RNF34: variants seen among roughly 807,000 people sequenced by gnomAD.
RNF34 encodes E3 ubiquitin-protein ligase RNF34.
Under a neutral mutation model 37.9 loss-of-function variants are expected in RNF34, and 12 were observed. That is an observed-to-expected ratio of 0.32 (90% CI 0.20 to 0.51). The LOEUF (loss-of-function observed/expected upper bound fraction) is 0.51, where lower values mean the gene tolerates loss of function less well. Ranked by LOEUF, RNF34 falls within the 20% of genes least tolerant of loss-of-function variation. RNF34 has a pLI of 0.97. For missense variants in RNF34, 362 were observed against 472.7 expected (o/e 0.77, Z 2.17); for synonymous variants, 155 against 177.2 (o/e 0.87, Z 1.00).
chr12:121,409,169 G>A (rs775365907), intron 1 of RNF34, among the ~76,000 whole-genome samples: 3 of 152,092 alleles, frequency 2.0e-5, no homozygotes, highest in Non-Finnish European at 2.9e-5. Flanking sequence ...TAGTAGAGAC[G>A]GGGTTTTACC....
At chr12:121,416,059 T>C in intron 1 of RNF34, 100 bp from the exon 2 acceptor site, 1 of 910,002 alleles carries the variant, frequency 1.1e-6, no homozygotes, top group South Asian at 1.5e-5. Flanking sequence ...CTCAAAGTTA[T>C]TGAGGGCAAA....
At chr12:121,422,318 C>T (rs1358196109) in intron 5 of RNF34, among the ~76,000 whole-genome samples, 1 of 152,162 alleles carries the variant, frequency 6.6e-6, no homozygotes, top group African/African-American at 2.4e-5. Flanking sequence ...CAAGTCACTA[C>T]CAAGATTGTT....
At chr12:121,416,058 A>G in intron 1 of RNF34, 101 bp from the exon 2 acceptor site, 1 of 896,204 alleles carries the variant, frequency 1.1e-6, no homozygotes, top group Non-Finnish European at 1.8e-6. Flanking sequence ...TCTCAAAGTT[A>G]TTGAGGGCAA....
intron 1 of RNF34, among the ~76,000 whole-genome samples, chr12:121,415,726 T>A (rs1871501200): frequency 6.6e-6 from 1 of 152,056 alleles, no homozygotes; most frequent in Non-Finnish European, 1.5e-5. Context: ...GCCACCAGCC[T>A]AATGTTGCCA....
chr12:121,405,477 G>A (rs1214454908), intron 1 of RNF34, among the ~76,000 whole-genome samples: 4 of 152,076 alleles, frequency 2.6e-5, no homozygotes, highest in Non-Finnish European at 5.9e-5. Flanking sequence ...ATTTCCATTT[G>A]TCTTCTTGCT....
At chr12:121,411,087 C>T (rs1871012955) in intron 1 of RNF34, among the ~76,000 whole-genome samples, 1 of 152,130 alleles carries the variant, frequency 6.6e-6, no homozygotes, top group Non-Finnish European at 1.5e-5. Flanking sequence ...GCACATGCCA[C>T]CACACCTGGC....
chr12:121,419,502 C>CA (rs1305911687), intron 3 of RNF34, among the ~76,000 whole-genome samples: 7 of 152,204 alleles, frequency 4.6e-5, no homozygotes, highest in Non-Finnish European at 8.8e-5. Context: ...AGCTGACTTA[C>CA]ATACCCCTTT....
intron 3 of RNF34, chr12:121,418,673 T>C (rs1330159679): frequency 1.3e-5 from 2 of 152,102 alleles, no homozygotes; most frequent in African/African-American, 4.8e-5. Flanking sequence ...TGTACCATGA[T>C]TGCAACTGTG....
intron 1 of RNF34, among the ~76,000 whole-genome samples, chr12:121,414,759 G>A (rs992567272): frequency 2.6e-5 from 4 of 150,944 alleles, no homozygotes; most frequent in South Asian, 2.1e-4. Flanking sequence ...AACAATCTCC[G>A]CCTCCCGAAT....
Position 121,420,792 on chromosome 12 carries a change from T to C in RNF34, c.928+14T>C, listed in dbSNP as rs1555283239. ...ACCAAAAGTCCTGTAGGTTTATCTT[T>C]TCATTTTTTCCCTGTAGTATTTTTC... On this transcript the variant is annotated intron_variant, in intron 5 of 5. Transcript: ENST00000361234. 6.3e-7 allele frequency: 1 copy of C among 1,591,568 alleles called. No individual in the cohort carries two copies. The highest frequency in any genetic ancestry group is 8.6e-7 in the Non-Finnish European group (1 of 1,160,502).
intron 1 of RNF34, among the ~76,000 whole-genome samples, chr12:121,413,216 G>T (rs759496408): frequency 8.6e-5 from 13 of 151,506 alleles, no homozygotes; most frequent in Non-Finnish European, 1.9e-4. Flanking sequence ...TAGTAGAGAC[G>T]GCGTTTCGCC....
intron 1 of RNF34, among the ~76,000 whole-genome samples, chr12:121,400,500 G>A (rs1361864125): frequency 3.3e-5 from 5 of 152,220 alleles, no homozygotes; most frequent in Non-Finnish European, 4.4e-5. Flanking sequence ...CTCTGCGCCG[G>A]GCCCTGTGCG....
chr12:121,417,376 G>C lies in RNF34; in HGVS notation c.226-128G>C. On this transcript the variant is annotated intron_variant, in intron 2 of 5. Coordinates refer to ENST00000361234, the MANE Select transcript of RNF34 (RefSeq NM_025126.4). The surrounding 1 kb of genome is among the most constrained non-coding windows in gnomAD (Gnocchi z 5.0). ...CTTTTGAAACATGAAAATACCTCTG[G>C]AAATAGTCTGGTGCCACTGGGGACT... 7 of 728,752 alleles carry C rather than the reference G, an allele frequency of 9.6e-6. No individual in the cohort carries two copies. Among genetic ancestry groups the C allele is most frequent in the Non-Finnish European group, 1.6e-5 (7 of 451,000 alleles). The allele number at this position is 728,752 out of a possible 1,614,324, so 45.1% of individuals were successfully genotyped here.
intron 5 of RNF34, among the ~76,000 whole-genome samples, chr12:121,421,378 A>C (rs1378799620): frequency 1.4e-4 from 20 of 144,412 alleles, no homozygotes; most frequent in South Asian, 6.9e-4. Context: ...CTCTAAAAAA[A>C]AAAAAAAAAA....
rs61739898 is a variant in RNF34, at chr12:121,420,310, T to A, written c.702T>A (p.Asp234Glu). ...ACGACGATGATGAGGATGATGATGA[T>A]GAAGAAGAAAACGCAGAGGATCGGG... ...DDDDDDEDDDDEEENAEDRNP... is the reference protein window; with the variant it reads ...DDDDDDEDDDEEEENAEDRNP... Residue 234 changes from aspartate (D) to glutamate (E), a missense_variant, in exon 4 of 6, where the codon GAT (aspartate) becomes GAA (glutamate). Transcript: ENST00000361234. 1,056 of 1,579,788 alleles carry A rather than the reference T, an allele frequency of 6.7e-4. 15 individuals carry two copies. The highest frequency in any genetic ancestry group is 1.7e-4 in the Middle Eastern group (1 of 6,016).
Position 121,417,886 on chromosome 12 carries a change from C to T in RNF34, c.608C>T (p.Thr203Ile). ...FQGELMDGDQ[T>I]SRSGVPAQVQ... The stretch of plus-strand genomic sequence containing the variant: ...GGAGAGCTTATGGATGGAGACCAAA[C>T]ATCCAGATCTGGAGTGCCGGCACAG... The change falls in exon 3 of 6, where the codon ACA becomes ATA. Residue 203 changes from threonine to isoleucine, a missense_variant. Transcript: ENST00000361234. The surrounding 1 kb of genome is among the most constrained non-coding windows in gnomAD (Gnocchi z 5.0). The T allele has an allele frequency of 1.2e-6, 2 of 1,614,076 alleles. No individual in the cohort carries two copies. The highest frequency in any genetic ancestry group is 1.7e-6 in the Non-Finnish European group (2 of 1,179,998).
Position 121,423,263 on chromosome 12 carries a change from A to T in RNF34, c.929-123A>T. On this transcript the variant is annotated intron_variant, in intron 5 of 5. Coordinates refer to ENST00000361234, the MANE Select transcript of RNF34 (RefSeq NM_025126.4). The surrounding 1 kb of genome is among the most constrained non-coding windows in gnomAD (Gnocchi z 4.3). ...AAGTTGGGATTATTTCTTGTACAAC[A>T]CTGGGGTGGCATTGGGCCTGCAGGG... is the stretch of plus-strand genomic sequence containing the variant. The T allele has an allele frequency of 1.5e-6, 1 of 656,362 alleles. No individual in the cohort carries two copies. The highest frequency in any genetic ancestry group is 2.9e-5 in the Admixed American group (1 of 34,294). The allele number at this position is 656,362 out of a possible 1,614,324, so 40.7% of individuals were successfully genotyped here.
At chr12:121,414,781 TC>T (rs1406466277) in intron 1 of RNF34, among the ~76,000 whole-genome samples, 3 of 150,768 alleles carry the variant, frequency 2.0e-5, no homozygotes, top group African/African-American at 7.3e-5. Context: ...CAAGCAATTC[TC>T]GTGCCTTTGG....
Position 121,400,143 on chromosome 12 carries a change from C to A in RNF34, c.-70C>A. On this transcript the variant is annotated 5_prime_UTR_variant, in exon 1 of 6. Coordinates refer to ENST00000361234, the MANE Select transcript of RNF34 (RefSeq NM_025126.4). ...AATCACCGCCCAGAGGGAAGGAGGT[C>A]GGCAGTGTGAGGAGCTGCTATGGTG... 2 of 1,563,782 alleles carry A rather than the reference C, an allele frequency of 1.3e-6. No individual in the cohort carries two copies. Among genetic ancestry groups the A allele is most frequent in the South Asian group, 1.2e-5 (1 of 86,884 alleles).
Sources: gnomAD v4.1 joint callset for allele counts (sites outside exome capture counted in the v4.1 genomes callset) on GRCh38, gnomAD v4.1.1 for gene constraint, Gnocchi (gnomAD v3.1) non-coding constraint, MANE v1.5 for transcripts, NCBI Gene and HGNC (gene_info 2026-07-23, HGNC 2026-07-21) for gene names.